SUZ12: variants seen among roughly 807,000 people sequenced by gnomAD.
SUZ12 encodes the protein polycomb protein SUZ12.
SUZ12 carries 17 observed loss-of-function variants against 87.3 expected under a neutral mutation model. The observed-to-expected ratio is 0.19, with a 90% CI of 0.13 to 0.29. The LOEUF is 0.29. Ranked by LOEUF, SUZ12 falls within the 10% of genes least tolerant of loss-of-function variation. The pLI is 1.00. For synonymous variants in SUZ12, 253 were observed against 312.4 expected (o/e 0.81, Z 2.01); for missense variants, 526 against 912.2 (o/e 0.58, Z 5.45).
intron 10 of SUZ12, among the ~76,000 whole-genome samples, chr17:31,991,024 G>T (rs1260781299): frequency 6.6e-6 from 1 of 152,210 alleles, no homozygotes; most frequent in East Asian, 1.9e-4. Flanking sequence ...TGGGACTACA[G>T]GCTTGAGCCA....
intron 9 of SUZ12, among the ~76,000 whole-genome samples, chr17:31,985,191 A>AGTCTTACTATAG (rs1909339970): frequency 6.6e-6 from 1 of 150,652 alleles, no homozygotes; most frequent in Non-Finnish European, 1.5e-5. Flanking sequence ...AGGTTGATAC[A>AGTCTTACTATAG]GTCTTACTAT....
intron 8 of SUZ12, among the ~76,000 whole-genome samples, chr17:31,980,526 C>T (rs1182874445): frequency 6.8e-5 from 10 of 146,010 alleles, no homozygotes; most frequent in Admixed American, 5.0e-4. Flanking sequence ...CTCAGCTCAC[C>T]GCTACCTCTG....
At chr17:31,994,513 T>C (rs1291064596) in intron 12 of SUZ12, 51 bp from the exon 13 acceptor site, 2 of 1,428,612 alleles carry the variant, frequency 1.4e-6, no homozygotes, top group South Asian at 3.1e-5. Context: ...ATTGGAGGGA[T>C]ATTTAGGATA....
rs1910215027 is a variant in SUZ12, at chr17:32,000,725, A to C, written c.*1722A>C. ...TAAGCAGTTATGCTCTTAATGCTTA[A>C]AAGAAGGCTAGCATTGTTTGCACAA... is the stretch of plus-strand genomic sequence containing the variant. On this transcript the variant is annotated 3_prime_UTR_variant, in exon 16 of 16. Coordinates refer to ENST00000322652, the MANE Select transcript of SUZ12 (RefSeq NM_015355.4). 4.3e-6 allele frequency: 1 copy of C among 232,052 alleles called. No homozygotes were observed. Among genetic ancestry groups the C allele is most frequent in the African/African-American group, 2.2e-5 (1 of 45,278 alleles). The allele number at this position is 232,052 out of a possible 1,614,324, so 14.4% of individuals were successfully genotyped here. A position where few individuals can be genotyped will look rare whatever the true frequency, so the allele number is the denominator to read the frequency against.
intron 11 of SUZ12, 136 bp from the exon 12 acceptor site, chr17:31,993,729 A>G (rs1909836567): frequency 2.2e-6 from 2 of 919,250 alleles, no homozygotes; most frequent in Non-Finnish European, 1.6e-6. Flanking sequence ...GTCACTGGGC[A>G]TATTTAATTA....
intron 1 of SUZ12, among the ~76,000 whole-genome samples, chr17:31,938,955 TTATTTC>T (rs1906106268): frequency 6.6e-6 from 1 of 152,206 alleles, no homozygotes; most frequent in African/African-American, 2.4e-5. Flanking sequence ...ATTCACATAG[TTATTTC>T]TATTTGGTTT....
chr17:31,979,243 A>G (rs1389140712), intron 8 of SUZ12, among the ~76,000 whole-genome samples: 2 of 151,946 alleles, frequency 1.3e-5, no homozygotes, highest in Admixed American at 6.6e-5. Flanking sequence ...TTATGAGGCT[A>G]TATTTTATTT....
rs75861674 is a variant in SUZ12 at position 31,977,298 on chromosome 17, A to T, written c.917+684A>T. ...CTTTTTTTTTTTTTTTTTTTTTTAG[A>T]ATAGTGTCTCACTCTATCACCCAGG... On this transcript the variant is annotated intron_variant, in intron 8 of 15. Coordinates refer to ENST00000322652, the MANE Select transcript of SUZ12 (RefSeq NM_015355.4). 2.8e-5 allele frequency among the ~76,000 whole-genome samples: 4 copies of T among 142,664 alleles called. No homozygotes were observed. The East Asian group carries it at 8.1e-4, about 29-fold the overall frequency. 93.6% of individuals were successfully genotyped at this position (142,664 alleles called of 152,430 possible). A position where few individuals can be genotyped will look rare whatever the true frequency, so the allele number is the denominator to read the frequency against.
chr17:31,981,333 T>G (rs1909090388), intron 8 of SUZ12, among the ~76,000 whole-genome samples: 1 of 152,184 alleles, frequency 6.6e-6, no homozygotes, highest in Non-Finnish European at 1.5e-5. Flanking sequence ...ATATGGTTCT[T>G]AAACAATTAA....
At chr17:31,961,367 T>G (rs1465332526) in intron 4 of SUZ12, among the ~76,000 whole-genome samples, 1 of 152,094 alleles carries the variant, frequency 6.6e-6, no homozygotes, top group Non-Finnish European at 1.5e-5. Context: ...GCCAACGTGG[T>G]GAAACCTCAT....
chr17:31,977,709 C>T (rs1239122573), intron 8 of SUZ12, among the ~76,000 whole-genome samples: 1 of 152,026 alleles, frequency 6.6e-6, no homozygotes, highest in Non-Finnish European at 1.5e-5. Flanking sequence ...GCCAAGATGG[C>T]GAAACCCTGT....
At chr17:31,964,404 A>C (rs185079483) in intron 4 of SUZ12, among the ~76,000 whole-genome samples, 8,668 of 140,348 alleles carry the variant, frequency 0.062, no homozygotes, top group African/African-American at 0.2. Flanking sequence ...CAAAATCCCA[A>C]CTCTGTAGGT....
intron 4 of SUZ12, among the ~76,000 whole-genome samples, chr17:31,950,925 C>T (rs755639633): frequency 4.6e-5 from 7 of 151,986 alleles, no homozygotes; most frequent in Non-Finnish European, 7.4e-5. Flanking sequence ...GGACTACAGG[C>T]GCCCGCCACC....
intron 3 of SUZ12, among the ~76,000 whole-genome samples, chr17:31,944,644 C>T (rs935062440): frequency 1.3e-5 from 2 of 151,918 alleles, no homozygotes; most frequent in African/African-American, 4.8e-5. Context: ...ATTTAAGTCC[C>T]ACCTAGTTTA....
intron 1 of SUZ12, among the ~76,000 whole-genome samples, chr17:31,937,993 C>T (rs1341563167): frequency 2.0e-5 from 3 of 148,310 alleles, no homozygotes; most frequent in Non-Finnish European, 4.5e-5. Context: ...TTCGCGCTAA[C>T]TTGGTGCTGC....
At chr17:31,993,820 T>C in intron 11 of SUZ12, 45 bp from the exon 12 acceptor site, 1 of 1,548,446 alleles carries the variant, frequency 6.5e-7, no homozygotes, top group Non-Finnish European at 8.7e-7. Context: ...AATATCTTGT[T>C]ATGCGTAAAT....
chr17:31,937,039 G>C lies in SUZ12; in HGVS notation c.-208G>C, dbSNP rs543011190. 5.3e-4 allele frequency: 232 copies of C among 435,024 alleles called. No homozygotes were observed. Among genetic ancestry groups the C allele is most frequent in the African/African-American group, 4.4e-3 (217 of 48,764 alleles). 26.9% of individuals were successfully genotyped at this position (435,024 alleles called of 1,614,324 possible). A position where few individuals can be genotyped will look rare whatever the true frequency, so the allele number is the denominator to read the frequency against. ...GGCCAGGGTAGGGTGAGCGGCCTCC[G>C]AAGCGGAGCGGGGCTCTGAGGAGAC... is the stretch of plus-strand genomic sequence containing the variant. On this transcript the variant is annotated 5_prime_UTR_variant, in exon 1 of 16. Transcript: ENST00000322652.
intron 8 of SUZ12, among the ~76,000 whole-genome samples, chr17:31,979,995 A>T (rs536573906): frequency 5.5e-4 from 82 of 149,400 alleles, no homozygotes; most frequent in Non-Finnish European, 7.9e-4. Context: ...AACCCTAAAA[A>T]ATATATATAT....
chr17:31,974,452 G>A lies in SUZ12; in HGVS notation c.592-1030G>A, dbSNP rs183908275. Among the ~76,000 whole-genome samples, 717 of 152,228 alleles carry A rather than the reference G, an allele frequency of 4.7e-3. 10 individuals carry two copies. Among genetic ancestry groups the A allele is most frequent in the African/African-American group, 0.016 (647 of 41,536 alleles). ...TGAGGCAGGAGAATGGTATGAACCC[G>A]GGAGGCGGAGCTTGCAGCGAGCCGA... On this transcript the variant is annotated intron_variant, in intron 6 of 15. Transcript: ENST00000322652.
Sources: allele counts gnomAD v4.1 joint callset (sites outside exome capture counted in the v4.1 genomes callset), GRCh38; gene constraint gnomAD v4.1.1; transcripts MANE v1.5; gene names NCBI Gene and HGNC (gene_info 2026-07-23, HGNC 2026-07-21).